Variants in PAPPA2 observed in about 807,000 individuals in gnomAD.
PAPPA2 encodes pappalysin-2.
Under a neutral mutation model 176.4 loss-of-function variants are expected in PAPPA2, and 86 were observed. The observed-to-expected ratio is 0.49, with a 90% CI of 0.41 to 0.58. The LOEUF (loss-of-function observed/expected upper bound fraction) is 0.58, where lower values mean the gene tolerates loss of function less well. PAPPA2 is among the 20% of genes least tolerant of loss of function. The probability of loss-of-function intolerance (pLI) is 0.00; values close to 1 mark genes in which losing one functional copy is unlikely to be tolerated. For synonymous variants in PAPPA2, 809 were observed against 852.2 expected (o/e 0.95, Z 0.88); for missense variants, 2,073 against 2,256.9 (o/e 0.92, Z 1.65).
intron 1 of PAPPA2, among the ~76,000 whole-genome samples, chr1:176,555,091 C>T (rs1357492727): frequency 2.0e-5 from 3 of 151,634 alleles, no homozygotes; most frequent in Non-Finnish European, 2.9e-5. Context: ...GTGTAGGCTG[C>T]GGCTGCTGAA....
intron 3 of PAPPA2, among the ~76,000 whole-genome samples, chr1:176,628,703 G>A (rs1235412928): frequency 6.6e-6 from 1 of 151,960 alleles, no homozygotes; most frequent in African/African-American, 2.4e-5. Context: ...TGTGTGAGAT[G>A]GTTTTAAAAG....
rs115835832 is a variant in PAPPA2, at chr1:176,505,871, A to G, written c.-917+42453A>G. On this transcript the variant is annotated intron_variant, in intron 1 of 22. Transcript: ENST00000367662. ...TCTGTTGTTGAATACTTGAACATGCATGCAAAGGAATAAATCTTACAAGAC... is the reference window on the plus strand; with the variant it reads ...TCTGTTGTTGAATACTTGAACATGCGTGCAAAGGAATAAATCTTACAAGAC... Among the ~76,000 whole-genome samples the G allele has an allele frequency of 4.0e-3, 610 of 152,222 alleles. 5 individuals carry two copies. Among genetic ancestry groups the G allele is most frequent in the African/African-American group, 0.014 (590 of 41,576 alleles).
chr1:176,463,552 C>T (rs958242246), intron 1 of PAPPA2, 134 bp downstream of exon 1: 19 of 152,332 alleles, frequency 1.2e-4, no homozygotes, highest in African/African-American at 3.6e-4. Flanking sequence ...AGGGCTGGGA[C>T]GCAGCCCTGT....
intron 17 of PAPPA2, among the ~76,000 whole-genome samples, chr1:176,783,253 G>A (rs1664796831): frequency 6.6e-6 from 1 of 152,146 alleles, no homozygotes; most frequent in Non-Finnish European, 1.5e-5. Flanking sequence ...TTCTGTTGTT[G>A]TTATTATTCC....
chr1:176,492,381 G>A (rs560219805), intron 1 of PAPPA2, among the ~76,000 whole-genome samples: 2 of 152,296 alleles, frequency 1.3e-5, no homozygotes, highest in South Asian at 4.1e-4. Context: ...TTGTTTTGAT[G>A]TTGATGATAT....
At chr1:176,755,660 G>C (rs1467932837) in intron 14 of PAPPA2, among the ~76,000 whole-genome samples, 1 of 152,172 alleles carries the variant, frequency 6.6e-6, no homozygotes, top group Admixed American at 6.5e-5. Context: ...CAAGGAGATG[G>C]CTACTGCCTT....
chr1:176,611,374 C>T (rs543650786), intron 3 of PAPPA2, among the ~76,000 whole-genome samples: 5 of 152,278 alleles, frequency 3.3e-5, no homozygotes, highest in African/African-American at 1.2e-4. Flanking sequence ...GGGGCATTCA[C>T]AGTCCAATAT....
At chr1:176,767,121 T>G (rs1048569910) in intron 15 of PAPPA2, among the ~76,000 whole-genome samples, 1 of 152,106 alleles carries the variant, frequency 6.6e-6, no homozygotes, top group Non-Finnish European at 1.5e-5. Flanking sequence ...TTACCTGTTC[T>G]TTACCCATCT....
At chr1:176,523,572 A>AT (rs1450248298) in intron 1 of PAPPA2, among the ~76,000 whole-genome samples, 3 of 152,178 alleles carry the variant, frequency 2.0e-5, no homozygotes, top group African/African-American at 7.2e-5. Flanking sequence ...TTTTTAAACA[A>AT]TTTTTCTAAG....
At chr1:176,725,710 G>T (rs759923361) in intron 12 of PAPPA2, among the ~76,000 whole-genome samples, 6 of 152,058 alleles carry the variant, frequency 3.9e-5, no homozygotes, top group Admixed American at 3.3e-4. Context: ...GCACGCGCGC[G>T]CACACACACA....
chr1:176,581,372 T>C (rs1652949028), intron 2 of PAPPA2, among the ~76,000 whole-genome samples: 1 of 152,230 alleles, frequency 6.6e-6, no homozygotes, highest in Non-Finnish European at 1.5e-5. Context: ...AGCTTTGTAG[T>C]AAATTTTAAA....
chr1:176,754,786 G>A (rs1663340203), intron 14 of PAPPA2, among the ~76,000 whole-genome samples: 1 of 152,182 alleles, frequency 6.6e-6, no homozygotes, highest in Non-Finnish European at 1.5e-5. Context: ...TATTTCCAAG[G>A]TTCTGTCATT....
At chr1:176,504,481 A>G (rs1286063725) in intron 1 of PAPPA2, among the ~76,000 whole-genome samples, 2 of 152,116 alleles carry the variant, frequency 1.3e-5, no homozygotes, top group South Asian at 2.1e-4. Flanking sequence ...TGGTATCCAC[A>G]TATCAGTAGA....
chr1:176,481,069 A>AG (rs1652370831), intron 1 of PAPPA2, among the ~76,000 whole-genome samples: 1 of 152,096 alleles, frequency 6.6e-6, no homozygotes, highest in Admixed American at 6.5e-5. Flanking sequence ...ATTGTGAAAG[A>AG]GGGGAGGGTT....
chr1:176,616,540 A>T (rs1573132846), intron 3 of PAPPA2: 11 of 1,332,712 alleles, frequency 8.3e-6, no homozygotes, highest in Non-Finnish European at 1.2e-5. Context: ...AAATGTAACC[A>T]ATCAGCAACA....
chr1:176,827,456 T>G (rs2102980376), intron 21 of PAPPA2, among the ~76,000 whole-genome samples: 1 of 152,314 alleles, frequency 6.6e-6, no homozygotes, highest in South Asian at 2.1e-4. Context: ...GCTGGGGTTA[T>G]TCTCCCCATT....
intron 14 of PAPPA2, among the ~76,000 whole-genome samples, chr1:176,756,326 G>A (rs1663416562): frequency 1.3e-5 from 2 of 152,160 alleles, no homozygotes; most frequent in Non-Finnish European, 2.9e-5. Flanking sequence ...ATGTTGAATA[G>A]GTTGAGGAGG....
intron 3 of PAPPA2, among the ~76,000 whole-genome samples, chr1:176,649,498 T>C (rs1352823880): frequency 6.6e-6 from 1 of 151,344 alleles, no homozygotes; most frequent in East Asian, 1.9e-4. Flanking sequence ...TTCCTTGAGG[T>C]GCACCATTAG....
intron 3 of PAPPA2, among the ~76,000 whole-genome samples, chr1:176,669,308 A>G (rs184542141): frequency 2.4e-4 from 36 of 150,494 alleles, no homozygotes; most frequent in African/African-American, 8.8e-4. Flanking sequence ...TTTTCTTTTC[A>G]TTTCCTTCAT....
Sources: allele counts gnomAD v4.1 joint callset (sites outside exome capture counted in the v4.1 genomes callset), GRCh38; gene constraint gnomAD v4.1.1; transcripts MANE v1.5; gene names NCBI Gene and HGNC (gene_info 2026-07-23, HGNC 2026-07-21).